Variants in MYPOP observed in about 807,000 individuals in gnomAD.
The protein encoded by MYPOP is myb-related transcription factor, partner of profilin.
Under a neutral mutation model 25.7 loss-of-function variants are expected in MYPOP, and 21 were observed. The observed-to-expected ratio is 0.82, with a 90% CI of 0.58 to 1.18. The LOEUF (loss-of-function observed/expected upper bound fraction) is 1.18. Ranked by LOEUF, MYPOP falls within the 50% of genes most tolerant of loss-of-function variation. MYPOP has a pLI of 0.00. For missense variants in MYPOP, 566 were observed against 588.3 expected (o/e 0.96, Z 0.39); for synonymous variants, 280 against 247.9 (o/e 1.13, Z -1.22).
rs1052274125 is a variant in MYPOP, at chr19:45,891,620, A to G, written c.500-297T>C. On this transcript the variant is annotated intron_variant, in intron 2 of 2. Coordinates refer to ENST00000322217, the MANE Select transcript of MYPOP (RefSeq NM_001012643.4). ...CCCGGCTACTTTTTCTATTTTTAAT[A>G]AGAGACAGGGTTTCACCATGTTGGC... is the stretch of plus-strand genomic sequence containing the variant. Among the ~76,000 whole-genome samples, 10 of 151,988 alleles carry G rather than the reference A, an allele frequency of 6.6e-5. 1 individual carries two copies. In the South Asian group the frequency reaches 1.5e-3, roughly 22 times the overall value.
In MYPOP at chr19:45,901,761, C is replaced by CCGCCGAGGCCATGGCGCCCCCCGA; in HGVS notation, c.-12_12dup (p.Ala4_Ala5insSerGlyGlyAlaMetAlaSerAla). The stretch of plus-strand genomic sequence containing the variant: ...GTGGTTTCCTCCGCTTCGCCCGCCG[C>CCGCCGAGGCCATGGCGCCCCCCGA]CGCCGAGGCCATGGCGCCCCCCGAC... On this transcript the variant is annotated inframe_insertion, in exon 2 of 3. Coordinates refer to ENST00000322217, the MANE Select transcript of MYPOP (RefSeq NM_001012643.4). This position sits in a 1 kb window ranked among gnomAD's most constrained non-coding sequence, Gnocchi z 5.7. 6.8e-7 allele frequency: 1 copy of CCGCCGAGGCCATGGCGCCCCCCGA among 1,473,486 alleles called. No homozygotes were observed. The highest frequency in any genetic ancestry group is 9.0e-7 in the Non-Finnish European group (1 of 1,114,262). The allele number at this position is 1,473,486 out of a possible 1,614,324, so 91.3% of individuals were successfully genotyped here.
intron 2 of MYPOP, among the ~76,000 whole-genome samples, chr19:45,898,171 C>A (rs59228790): frequency 2.1e-4 from 32 of 151,690 alleles, no homozygotes; most frequent in African/African-American, 7.7e-4. Flanking sequence ...GTGATCCGCC[C>A]GCCTTGGCCT....
intron 2 of MYPOP, among the ~76,000 whole-genome samples, chr19:45,900,230 C>A (rs964462778): frequency 6.6e-6 from 1 of 152,178 alleles, no homozygotes; most frequent in Middle Eastern, 3.2e-3. Context: ...CCTTTGCTGA[C>A]CTCTCTGAAC....
chr19:45,895,580 T>C (rs73566680), intron 2 of MYPOP, among the ~76,000 whole-genome samples: 5,362 of 152,224 alleles, frequency 0.035, 302 homozygotes, highest in African/African-American at 0.11. Flanking sequence ...CTCCTCCTGA[T>C]GTCAGCTCCA....
rs1310962969 is a variant in MYPOP at position 45,891,332 on chromosome 19, A to G, written c.500-9T>C. 1.3e-6 allele frequency: 2 copies of G among 1,481,832 alleles called. No individual in the cohort carries two copies. Among genetic ancestry groups the G allele is most frequent in the Admixed American group, 4.8e-5 (2 of 41,860 alleles). 91.8% of individuals were successfully genotyped at this position (1,481,832 alleles called of 1,614,324 possible). A position where few individuals can be genotyped will look rare whatever the true frequency, so the allele number is the denominator to read the frequency against. On this transcript the variant is annotated splice_polypyrimidine_tract_variant and intron_variant, in intron 2 of 2. Coordinates refer to ENST00000322217, the MANE Select transcript of MYPOP (RefSeq NM_001012643.4). ...GCTGTGGGCTGATGTATCTGTAGAGAGAGAAATACAGGTAAGGGGTGAGCG... is the reference window on the plus strand; with the variant it reads ...GCTGTGGGCTGATGTATCTGTAGAGGGAGAAATACAGGTAAGGGGTGAGCG...
At position 45,901,542 on chromosome 19, in the gene MYPOP, T is replaced by C. The variant is rs1197770878; in HGVS notation, c.232A>G (p.Lys78Glu). 1 of 1,612,086 alleles carries C rather than the reference T, an allele frequency of 6.2e-7. No individual in the cohort carries two copies. The highest frequency in any genetic ancestry group is 8.5e-7 in the Non-Finnish European group (1 of 1,179,596). The change falls in exon 2 of 3, where the codon AAG becomes GAG. Residue 78 changes from lysine to glutamate, a missense_variant. Physicochemically the swap from Lys to Glu is moderately conservative, Grantham distance 56. Coordinates refer to ENST00000322217, the MANE Select transcript of MYPOP (RefSeq NM_001012643.4). This position sits in a 1 kb window ranked among gnomAD's most constrained non-coding sequence, Gnocchi z 5.7. ...CGGCGCTTGAAGTCGTTCCAGCGCT[T>C]CTGCACCTCCTGGCCCGTGCGCTTC... is the stretch of plus-strand genomic sequence containing the variant. ...SWKRTGQEVQ[K>E]RWNDFKRRTK...
chr19:45,899,929 T>A (rs1967263089), intron 2 of MYPOP, among the ~76,000 whole-genome samples: 1 of 152,220 alleles, frequency 6.6e-6, no homozygotes, highest in South Asian at 2.1e-4. Context: ...GGCACACTCA[T>A]TAACTCCTGG....
rs1967304199 is a variant in MYPOP at position 45,901,923 on chromosome 19, G to A, written c.-52-98C>T. On this transcript the variant is annotated intron_variant, in intron 1 of 2. Coordinates refer to ENST00000322217, the MANE Select transcript of MYPOP (RefSeq NM_001012643.4). This position sits in a 1 kb window ranked among gnomAD's most constrained non-coding sequence, Gnocchi z 5.7. ...GCCGAGAGCTCCTTAGTCCCCGGGG[G>A]CAGGAGTGGGGGCGGGGGGCGGGCG... The A allele has an allele frequency of 3.5e-6, 2 of 577,420 alleles. No individual in the cohort carries two copies. Among genetic ancestry groups the A allele is most frequent in the Non-Finnish European group, 5.0e-6 (2 of 398,082 alleles). The allele number at this position is 577,420 out of a possible 1,614,324, so 35.8% of individuals were successfully genotyped here.
chr19:45,891,359 C>A (rs756441632), intron 2 of MYPOP, 36 bp from the exon 3 acceptor site: 71 of 1,429,674 alleles, frequency 5.0e-5, no homozygotes, highest in Non-Finnish European at 1.8e-5. Context: ...GGGTGAGCGA[C>A]CCTCGATGCT....
At position 45,901,756 on chromosome 19, in the gene MYPOP, C is replaced by T; in HGVS notation, c.18G>A (p.Ala6=). 1.4e-6 allele frequency: 2 copies of T among 1,475,466 alleles called. No homozygotes were observed. The highest frequency in any genetic ancestry group is 1.3e-5 in the South Asian group (1 of 75,996). 91.4% of individuals were successfully genotyped at this position (1,475,466 alleles called of 1,614,324 possible). A position where few individuals can be genotyped will look rare whatever the true frequency, so the allele number is the denominator to read the frequency against. Residue 6 remains alanine (A), a synonymous_variant, in exon 2 of 3, where the codon GCG becomes GCA. Coordinates refer to ENST00000322217, the MANE Select transcript of MYPOP (RefSeq NM_001012643.4). The surrounding 1 kb of genome is among the most constrained non-coding windows in gnomAD (Gnocchi z 5.7). The part of the protein sequence containing the change: MASAA[A]GEAEETTRLR... ...ACCGGGTGGTTTCCTCCGCTTCGCC[C>T]GCCGCCGCCGAGGCCATGGCGCCCC...
Position 45,891,095 on chromosome 19 carries a change from G to A in MYPOP, c.728C>T (p.Pro243Leu), listed in dbSNP as rs1967116010. 2 of 1,459,466 alleles carry A rather than the reference G, an allele frequency of 1.4e-6. No homozygotes were observed. Among genetic ancestry groups the A allele is most frequent in the Non-Finnish European group, 1.8e-6 (2 of 1,097,432 alleles). 90.4% of individuals were successfully genotyped at this position (1,459,466 alleles called of 1,614,324 possible). A position where few individuals can be genotyped will look rare whatever the true frequency, so the allele number is the denominator to read the frequency against. ...GGGTGGAGGCCGAGGAGGGGGTGGG[G>A]GGCTAGGGGGTGAGGGTGCCACTTG... is the stretch of plus-strand genomic sequence containing the variant. ...LAQVAPSPPS[P>L]PPPPRPPPTL... Residue 243 changes from proline (P) to leucine (L), a missense_variant, in exon 3 of 3, where the codon CCC (proline) becomes CTC (leucine). Pro to Leu is a moderately conservative substitution (Grantham distance 98). Transcript: ENST00000322217.
In MYPOP at chr19:45,901,604, T is replaced by A; in HGVS notation, c.170A>T (p.Asp57Val). 1 of 1,610,712 alleles carries A rather than the reference T, an allele frequency of 6.2e-7. No individual in the cohort carries two copies. Among genetic ancestry groups the A allele is most frequent in the African/African-American group, 1.3e-5 (1 of 74,954 alleles). ...ACCGTTGATCTTGGCGGCGATGCCG[T>A]CCCACACGCGCCGCCGCTCTGCCAC... ...VSVAERRRVW[D>V]GIAAKINGIT... Residue 57 changes from aspartate (D) to valine (V), a missense_variant, in exon 2 of 3, where the codon GAC (aspartate) becomes GTC (valine). Physicochemically the swap from Asp to Val is radical, Grantham distance 152 (BLOSUM62 -3). Transcript: ENST00000322217. The surrounding 1 kb of genome is among the most constrained non-coding windows in gnomAD (Gnocchi z 5.7).
Position 45,890,723 on chromosome 19 carries a change from C to CGGGGGGGGGGGGGGGCG in MYPOP, c.1099_1100insCGCCCCCCCCCCCCCCC (p.Arg367ProfsTer45). 1.7e-6 allele frequency: 2 copies of CGGGGGGGGGGGGGGGCG among 1,193,468 alleles called. No individual in the cohort carries two copies. Among genetic ancestry groups the CGGGGGGGGGGGGGGGCG allele is most frequent in the Non-Finnish European group, 2.4e-6 (2 of 836,752 alleles). The allele number at this position is 1,193,468 out of a possible 1,614,324, so 73.9% of individuals were successfully genotyped here. A position where few individuals can be genotyped will look rare whatever the true frequency, so the allele number is the denominator to read the frequency against. The stretch of plus-strand genomic sequence containing the variant: ...CGGAGGGAGCGGGGCTGGGGGGGGC[C>CGGGGGGGGGGGGGGGCG]GGGGTGCCCCCTCCTCGCTCCTTGG... On this transcript the variant is annotated frameshift_variant, in exon 3 of 3. Transcript: ENST00000322217. LOFTEE classifies it high-confidence loss of function.
rs920407637 is a variant in MYPOP, at chr19:45,901,118, T to C, written c.499+157A>G. 6.6e-6 allele frequency among the ~76,000 whole-genome samples: 1 copy of C among 152,252 alleles called. No individual in the cohort carries two copies. Among genetic ancestry groups the C allele is most frequent in the Admixed American group, 6.5e-5 (1 of 15,280 alleles). The stretch of plus-strand genomic sequence containing the variant: ...CTTGACAGTTACTAGCTATCGGAAC[T>C]GAGGCAAGTCATTTCATTTTTCTGA... On this transcript the variant is annotated intron_variant, in intron 2 of 2. Transcript: ENST00000322217. The surrounding 1 kb of genome is among the most constrained non-coding windows in gnomAD (Gnocchi z 5.7).
rs1967111407 is a variant in MYPOP, at chr19:45,890,900, G to A, written c.923C>T (p.Pro308Leu). The A allele has an allele frequency of 7.0e-7, 1 of 1,438,126 alleles. No homozygotes were observed. The highest frequency in any genetic ancestry group is 9.1e-7 in the Non-Finnish European group (1 of 1,097,854). 89.1% of individuals were successfully genotyped at this position (1,438,126 alleles called of 1,614,324 possible). ...TGGGGGTGGGGGTGGGGGCAGAGGT[G>A]GAGGCAGGGAGTCAACTGGGGTTCC... ...LPGTPVDSLP[P>L]PLPPPPPPPP... Residue 308 changes from proline to leucine, a missense_variant, in exon 3 of 3, where the codon CCA becomes CTA. Pro to Leu is a moderately conservative substitution (Grantham distance 98, BLOSUM62 -3). Coordinates refer to ENST00000322217, the MANE Select transcript of MYPOP (RefSeq NM_001012643.4).
chr19:45,890,811 C>G lies in MYPOP; in HGVS notation c.1012G>C (p.Val338Leu), dbSNP rs767770043. The change falls in exon 3 of 3, where the codon GTG becomes CTG. Residue 338 changes from valine (V) to leucine (L), a missense_variant. Physicochemically the swap from Val to Leu is conservative, Grantham distance 32. Transcript: ENST00000322217. The part of the protein sequence containing the change: ...APKVEITPEP[V>L]SVVAAVVDGA... The stretch of plus-strand genomic sequence containing the variant: ...TCCACCACAGCAGCCACCACGGACA[C>G]GGGCTCTGGGGTGATCTCCACCTTG... The G allele has an allele frequency of 7.8e-7, 1 of 1,289,270 alleles. No homozygotes were observed. Among genetic ancestry groups the G allele is most frequent in the Non-Finnish European group, 1.0e-6 (1 of 999,846 alleles). The allele number at this position is 1,289,270 out of a possible 1,614,324, so 79.9% of individuals were successfully genotyped here.
In MYPOP at chr19:45,901,113, G is replaced by A. The variant is rs1472465726; in HGVS notation, c.499+162C>T. Reference sequence around the variant, plus strand: ...TGGCTCTTGACAGTTACTAGCTATCGGAACTGAGGCAAGTCATTTCATTTT... The same window carrying A: ...TGGCTCTTGACAGTTACTAGCTATCAGAACTGAGGCAAGTCATTTCATTTT... On this transcript the variant is annotated intron_variant, in intron 2 of 2. Coordinates refer to ENST00000322217, the MANE Select transcript of MYPOP (RefSeq NM_001012643.4). The surrounding 1 kb of genome is among the most constrained non-coding windows in gnomAD (Gnocchi z 5.7). Among the ~76,000 whole-genome samples, 1 of 152,172 alleles carries A rather than the reference G, an allele frequency of 6.6e-6. No individual in the cohort carries two copies. Among genetic ancestry groups the A allele is most frequent in the South Asian group, 2.1e-4 (1 of 4,830 alleles).
chr19:45,892,400 G>A (rs1967138758), intron 2 of MYPOP, among the ~76,000 whole-genome samples: 1 of 152,094 alleles, frequency 6.6e-6, no homozygotes, highest in South Asian at 2.1e-4. Flanking sequence ...CAGCCTGGTA[G>A]GTTTCCTCAG....
chr19:45,902,537 G>A (rs1967317926), intron 1 of MYPOP, 33 bp downstream of exon 1: 2 of 152,400 alleles, frequency 1.3e-5, no homozygotes, highest in South Asian at 2.1e-4. Context: ...GGTCGCGGAG[G>A]GTGGGGACCG....
Sources: allele counts gnomAD v4.1 joint callset (sites outside exome capture counted in the v4.1 genomes callset), GRCh38; gene constraint gnomAD v4.1.1; non-coding constraint Gnocchi (gnomAD v3.1); transcripts MANE v1.5; gene names NCBI Gene and HGNC (gene_info 2026-07-23, HGNC 2026-07-21).